Variants in PDK2 observed in about 807,000 individuals in gnomAD.
PDK2 encodes the protein pyruvate dehydrogenase kinase, isozyme 2.
Under a neutral mutation model 50.4 loss-of-function variants are expected in PDK2, and 34 were observed. That is an observed-to-expected ratio of 0.68 (90% CI 0.51 to 0.90). PDK2 has a LOEUF of 0.90. Among genes scored for constraint, PDK2 ranks in the 40% least tolerant of loss-of-function variants. The pLI is 0.00. For synonymous variants in PDK2, 232 were observed against 216.0 expected (o/e 1.07, Z -0.65); for missense variants, 377 against 544.5 (o/e 0.69, Z 3.06).
chr17:50,098,038 G>A (rs1910039500), intron 2 of PDK2, among the ~76,000 whole-genome samples: 1 of 152,200 alleles, frequency 6.6e-6, no homozygotes, highest in Non-Finnish European at 1.5e-5. Context: ...ATACACACAA[G>A]GATGGCACAG....
chr17:50,106,047 C>T lies in PDK2; in HGVS notation c.495C>T (p.Ile165=), dbSNP rs1168501609. 3.2e-5 allele frequency: 52 copies of T among 1,605,776 alleles called. No individual in the cohort carries two copies. The highest frequency in any genetic ancestry group is 4.4e-5 in the Non-Finnish European group (52 of 1,176,172). ...GCTTCTACCTCAGCCGCATCTCCAT[C>T]CGCATGCTCATCAACCAGCACAGTG... The part of the protein sequence containing the change: ...LDRFYLSRIS[I]RMLINQHTLI... The change falls in exon 4 of 11, where the codon ATC becomes ATT. Residue 165 remains isoleucine, a synonymous_variant. Transcript: ENST00000503176.
At chr17:50,108,832 C>G (rs1018024619) in intron 9 of PDK2, 113 bp downstream of exon 9, 3 of 692,338 alleles carry the variant, frequency 4.3e-6, no homozygotes, top group Middle Eastern at 3.1e-4. Context: ...TGACAGTCAC[C>G]TGTCTTGAAT....
rs16948697 is a variant in PDK2, at chr17:50,095,762, A to G, written c.118+209A>G. On this transcript the variant is annotated intron_variant, in intron 1 of 10. Coordinates refer to ENST00000503176, the MANE Select transcript of PDK2 (RefSeq NM_002611.5). ...GCTGATGGGAATGGGGGGCATTTAC[A>G]AGGACGGTCCCGAGGTTTCTTCGTG... is the stretch of plus-strand genomic sequence containing the variant. 5,253 of 1,400,982 alleles carry G rather than the reference A, an allele frequency of 3.7e-3. 165 individuals carry two copies. In the African/African-American group the frequency reaches 0.069, roughly 18 times the overall value. The allele number at this position is 1,400,982 out of a possible 1,614,324, so 86.8% of individuals were successfully genotyped here.
intron 2 of PDK2, chr17:50,098,979 C>G (rs1265183931): frequency 6.6e-6 from 1 of 152,404 alleles, no homozygotes; most frequent in Non-Finnish European, 1.5e-5. Context: ...GAGCTGAGAA[C>G]TGACTTTCTG....
upstream of PDK2, chr17:50,095,135 A>C (rs1347583417): frequency 2.1e-5 from 7 of 336,422 alleles, no homozygotes; most frequent in South Asian, 3.4e-4. Context: ...GAGTGAACAC[A>C]GGGGAGGTGG....
In PDK2 at chr17:50,107,881, C is replaced by A. The variant is rs183933657; in HGVS notation, c.686-275C>A. ...AAGAGGGAGGTTTCCCTCTCGCCAG[C>A]CCCTTGCTGGACAGGTCAGGGCTGG... On this transcript the variant is annotated intron_variant, in intron 6 of 10. Coordinates refer to ENST00000503176, the MANE Select transcript of PDK2 (RefSeq NM_002611.5). 950 of 482,484 alleles carry A rather than the reference C, an allele frequency of 2.0e-3. 2 individuals carry two copies. Among genetic ancestry groups the A allele is most frequent in the Non-Finnish European group, 2.8e-3 (754 of 266,704 alleles). 29.9% of individuals were successfully genotyped at this position (482,484 alleles called of 1,614,324 possible). A position where few individuals can be genotyped will look rare whatever the true frequency, so the allele number is the denominator to read the frequency against.
At chr17:50,106,690 A>T in intron 4 of PDK2, 104 bp from the exon 5 acceptor site, 3 of 902,592 alleles carry the variant, frequency 3.3e-6, no homozygotes, top group South Asian at 2.9e-5. Context: ...GAGCCTACAG[A>T]GGCATTGGAG....
chr17:50,106,467 A>C lies in PDK2; in HGVS notation c.518-327A>C, dbSNP rs568062710. 11 of 464,274 alleles carry C rather than the reference A, an allele frequency of 2.4e-5. No individual in the cohort carries two copies. The East Asian group carries it at 4.1e-4, about 17-fold the overall frequency. The allele number at this position is 464,274 out of a possible 1,614,324, so 28.8% of individuals were successfully genotyped here. On this transcript the variant is annotated intron_variant, in intron 4 of 10. Coordinates refer to ENST00000503176, the MANE Select transcript of PDK2 (RefSeq NM_002611.5). The stretch of plus-strand genomic sequence containing the variant: ...TTAAACAAGTTCCTCATGCTCAAAT[A>C]ATTTCCAAAGCAAGGTGGTAAGAGT...
Position 50,110,316 on chromosome 17 carries a change from C to T in PDK2, c.*219C>T, listed in dbSNP as rs1420049603. 1.1e-5 allele frequency: 5 copies of T among 442,178 alleles called. No homozygotes were observed. Among genetic ancestry groups the T allele is most frequent in the East Asian group, 7.1e-5 (2 of 28,192 alleles). 27.4% of individuals were successfully genotyped at this position (442,178 alleles called of 1,614,324 possible). On this transcript the variant is annotated 3_prime_UTR_variant, in exon 11 of 11. Transcript: ENST00000503176. ...TCGGTGGCCTCCCTATCTCTGTGGG[C>T]GATGCCTGAGGGTTAGGGATGTCTC...
At chr17:50,106,225 C>T in intron 4 of PDK2, 156 bp downstream of exon 4, 1 of 1,421,728 alleles carries the variant, frequency 7.0e-7, no homozygotes, top group Non-Finnish European at 9.2e-7. Flanking sequence ...ATGGCTCCAA[C>T]ATGGAAAAAT....
intron 2 of PDK2, chr17:50,104,508 C>T (rs1424159642): frequency 2.0e-5 from 3 of 152,352 alleles, no homozygotes; most frequent in African/African-American, 7.2e-5. Context: ...ACCTCAGCCT[C>T]CCAGAGTGCT....
intron 1 of PDK2, among the ~76,000 whole-genome samples, chr17:50,097,088 C>T (rs968377540): frequency 2.0e-5 from 3 of 151,470 alleles, no homozygotes; most frequent in African/African-American, 7.3e-5. Flanking sequence ...TGGAATCAGC[C>T]CCTCAAAGTG....
rs1910734962 is a variant in PDK2 at position 50,109,886 on chromosome 17, G to C, written c.1084-71G>C. ...TGGCAGCTGGGCTGCCGCTGAGCTG[G>C]GGTGGGGTGGTCTGCTGAGGAGTGG... On this transcript the variant is annotated intron_variant, in intron 10 of 10. Transcript: ENST00000503176. This position sits in a 1 kb window ranked among gnomAD's most constrained non-coding sequence, Gnocchi z 5.0. 7.1e-7 allele frequency: 1 copy of C among 1,403,710 alleles called. No homozygotes were observed. Among genetic ancestry groups the C allele is most frequent in the Admixed American group, 2.7e-5 (1 of 37,084 alleles). 87.0% of individuals were successfully genotyped at this position (1,403,710 alleles called of 1,614,324 possible).
chr17:50,103,398 G>C (rs1416570782), intron 2 of PDK2, among the ~76,000 whole-genome samples: 1 of 152,170 alleles, frequency 6.6e-6, no homozygotes, highest in Non-Finnish European at 1.5e-5. Context: ...GAGAGTATCA[G>C]ATGCTGCCTG....
Position 50,109,384 on chromosome 17 carries a change from C to G in PDK2, c.1067C>G (p.Ala356Gly). 6.2e-7 allele frequency: 1 copy of G among 1,609,862 alleles called. No homozygotes were observed. ...TCCATGGAAGGCTTTGGGACCGATG[C>G]TGTCATCTATCTCAAGGTGAGGGCC... ...LFSMEGFGTDAVIYLKALSTD... is the reference protein window; with the variant it reads ...LFSMEGFGTDGVIYLKALSTD... Residue 356 changes from alanine (A) to glycine (G), a missense_variant, in exon 10 of 11, where the codon GCT (alanine) becomes GGT (glycine). Transcript: ENST00000503176. This position sits in a 1 kb window ranked among gnomAD's most constrained non-coding sequence, Gnocchi z 5.0.
At chr17:50,103,638 A>G (rs1016227121) in intron 2 of PDK2, among the ~76,000 whole-genome samples, 5 of 152,196 alleles carry the variant, frequency 3.3e-5, no homozygotes, top group African/African-American at 1.2e-4. Flanking sequence ...CCAAGTGCTT[A>G]AAGAGCCAGG....
Position 50,106,775 on chromosome 17 carries a change from C to T in PDK2, c.518-19C>T, listed in dbSNP as rs377310558. 6.8e-6 allele frequency: 11 copies of T among 1,608,806 alleles called. No homozygotes were observed. Among genetic ancestry groups the T allele is most frequent in the African/African-American group, 1.3e-5 (1 of 74,786 alleles). ...CAGACTGCAGCCCAGCCAACAGCAT[C>T]CTCCCTTCCTGCCTGCAGCCCTCAT... On this transcript the variant is annotated intron_variant, in intron 4 of 10. Coordinates refer to ENST00000503176, the MANE Select transcript of PDK2 (RefSeq NM_002611.5).
In PDK2 at chr17:50,098,627, A is replaced by G. The variant is rs986535040; in HGVS notation, c.260+1063A>G. The G allele has an allele frequency of 7.2e-5, 11 of 151,824 alleles. 1 individual carries two copies. Among genetic ancestry groups the G allele is most frequent in the African/African-American group, 2.7e-4 (11 of 41,302 alleles). The allele number at this position is 151,824 out of a possible 1,614,324, so 9.4% of individuals were successfully genotyped here. On this transcript the variant is annotated intron_variant, in intron 2 of 10. Coordinates refer to ENST00000503176, the MANE Select transcript of PDK2 (RefSeq NM_002611.5). ...AAGAAAATGCCAACCACTCCCCTCC[A>G]CCCCCTAACCGAACACAGTTCAGTT...
At chr17:50,103,277 GGGT>G (rs1910328075) in intron 2 of PDK2, among the ~76,000 whole-genome samples, 1 of 152,172 alleles carries the variant, frequency 6.6e-6, no homozygotes, top group African/African-American at 2.4e-5. Flanking sequence ...GGGTAGGGAG[GGGT>G]GGGCGGTGAG....
Sources: allele counts gnomAD v4.1 joint callset (sites outside exome capture counted in the v4.1 genomes callset), GRCh38; gene constraint gnomAD v4.1.1; non-coding constraint Gnocchi (gnomAD v3.1); transcripts MANE v1.5; gene names NCBI Gene and HGNC (gene_info 2026-07-23, HGNC 2026-07-21).